WWOX: variants seen among roughly 807,000 people sequenced by gnomAD.
The protein encoded by WWOX is WW domain containing oxidoreductase.
A neutral mutation model predicts 46.2 loss-of-function variants in WWOX; 69 were observed. The observed-to-expected ratio is 1.49, with a 90% CI of 1.23 to 1.82. WWOX has a LOEUF of 1.82. Ranked by LOEUF, WWOX falls within the 40% of genes most tolerant of loss-of-function variation. The pLI, the probability that WWOX is intolerant of heterozygous loss-of-function variation, is 0.00. For synonymous variants in WWOX, 359 were observed against 202.6 expected (o/e 1.77, Z -6.56); for missense variants, 919 against 542.6 (o/e 1.69, Z -6.89).
chr16:78,549,447 C>T (rs1209588807), intron 8 of WWOX, among the ~76,000 whole-genome samples: 1 of 152,130 alleles, frequency 6.6e-6, no homozygotes, highest in Admixed American at 6.5e-5. Flanking sequence ...TTAATCTCTT[C>T]AGGGTTTCCC....
At chr16:78,763,483 G>T (rs745823299) in intron 8 of WWOX, among the ~76,000 whole-genome samples, 3 of 152,180 alleles carry the variant, frequency 2.0e-5, no homozygotes, top group South Asian at 2.1e-4. Context: ...TGGGATAGAG[G>T]CACTTTTTGG....
At chr16:78,544,286 A>G (rs1464932389) in intron 8 of WWOX, among the ~76,000 whole-genome samples, 1 of 152,290 alleles carries the variant, frequency 6.6e-6, no homozygotes, top group East Asian at 1.9e-4. Flanking sequence ...ACATTATATT[A>G]ATTATTAATA....
chr16:79,106,659 A>G (rs895458451), intron 8 of WWOX: 2 of 125,944 alleles, frequency 1.6e-5, no homozygotes, highest in Admixed American at 1.1e-4. Flanking sequence ...ATGCAGTGTC[A>G]GGATCATAGC....
intron 8 of WWOX, among the ~76,000 whole-genome samples, chr16:78,803,603 A>G (rs1471644231): frequency 3.9e-5 from 6 of 152,018 alleles, no homozygotes; most frequent in Non-Finnish European, 5.9e-5. Context: ...ATATACCACC[A>G]TACCTGGACA....
intron 8 of WWOX, among the ~76,000 whole-genome samples, chr16:78,979,942 C>G (rs961435641): frequency 1.1e-4 from 16 of 152,124 alleles, no homozygotes; most frequent in Non-Finnish European, 1.9e-4. Context: ...TCCTGGCTAA[C>G]ATGGTGAAAC....
chr16:78,549,647 T>C (rs976235640), intron 8 of WWOX, among the ~76,000 whole-genome samples: 2 of 152,188 alleles, frequency 1.3e-5, no homozygotes, highest in African/African-American at 4.8e-5. Context: ...GCAAGCGAGC[T>C]AATGGAAATC....
At chr16:78,559,453 AAG>A (rs1445746085) in intron 8 of WWOX, among the ~76,000 whole-genome samples, 2 of 150,588 alleles carry the variant, frequency 1.3e-5, no homozygotes, top group African/African-American at 5.0e-5. Context: ...GACTGGGAGA[AAG>A]AGATGTTCTC....
intron 8 of WWOX, among the ~76,000 whole-genome samples, chr16:78,767,921 C>T (rs960431764): frequency 6.6e-6 from 1 of 152,006 alleles, no homozygotes; most frequent in Non-Finnish European, 1.5e-5. Context: ...TTTCTTTTGG[C>T]TAATGATAAC....
chr16:79,054,042 A>C (rs538580663), intron 8 of WWOX, among the ~76,000 whole-genome samples: 1 of 152,142 alleles, frequency 6.6e-6, no homozygotes, highest in Non-Finnish European at 1.5e-5. Flanking sequence ...AAATTTTATT[A>C]CCTCATTATA....
intron 8 of WWOX, among the ~76,000 whole-genome samples, chr16:78,872,474 G>A (rs1315751622): frequency 6.6e-6 from 1 of 152,258 alleles, no homozygotes; most frequent in South Asian, 2.1e-4. Context: ...ATTACAGTGG[G>A]GGATAAAGGG....
At chr16:78,229,729 C>T (rs886989443) in intron 5 of WWOX, among the ~76,000 whole-genome samples, 1 of 151,988 alleles carries the variant, frequency 6.6e-6, no homozygotes, top group Non-Finnish European at 1.5e-5. Flanking sequence ...AACATGCAGA[C>T]CATGTGGAAT....
chr16:79,135,115 TTTC>T (rs544364421), intron 8 of WWOX, among the ~76,000 whole-genome samples: 1,783 of 152,324 alleles, frequency 0.012, 21 homozygotes, highest in South Asian at 0.028. Context: ...TAACAATTTT[TTTC>T]TTCTTCTCAG....
At chr16:78,808,096 G>C (rs547216172) in intron 8 of WWOX, among the ~76,000 whole-genome samples, 2 of 152,268 alleles carry the variant, frequency 1.3e-5, no homozygotes, top group East Asian at 3.9e-4. Flanking sequence ...GACTCTCCTA[G>C]GGCCTAGGCC....
At position 78,950,022 on chromosome 16, in the gene WWOX, T is replaced by A. The variant is rs192177394; in HGVS notation, c.1057-261586T>A. ...TGAGAGGACTGAGGCTTGTAGACTTTCCAAGGCTGTGCAGCTCTAGGTCTA... is the reference window on the plus strand; with the variant it reads ...TGAGAGGACTGAGGCTTGTAGACTTACCAAGGCTGTGCAGCTCTAGGTCTA... On this transcript the variant is annotated intron_variant, in intron 8 of 8. Coordinates refer to ENST00000566780, the MANE Select transcript of WWOX (RefSeq NM_016373.4). Among the ~76,000 whole-genome samples the A allele has an allele frequency of 2.6e-5, 4 of 152,290 alleles. No homozygotes were observed. The East Asian group carries it at 5.8e-4, about 22-fold the overall frequency.
At chr16:78,240,569 T>TA (rs1224829939) in intron 5 of WWOX, among the ~76,000 whole-genome samples, 1 of 152,264 alleles carries the variant, frequency 6.6e-6, no homozygotes, top group East Asian at 1.9e-4. Flanking sequence ...CTTGTGCTGA[T>TA]ACGCTAGGGC....
chr16:78,202,354 G>C (rs1268499337), intron 5 of WWOX, among the ~76,000 whole-genome samples: 3 of 152,210 alleles, frequency 2.0e-5, no homozygotes. Flanking sequence ...TCATCCTTCT[G>C]TTCCCTTCCT....
intron 8 of WWOX, among the ~76,000 whole-genome samples, chr16:79,176,795 A>G (rs957892674): frequency 6.6e-6 from 1 of 152,150 alleles, no homozygotes; most frequent in Non-Finnish European, 1.5e-5. Flanking sequence ...GAGCCTTGGC[A>G]TTTGTAAGGC....
rs148860587 is a variant in WWOX, at chr16:78,645,314, A to G, written c.1056+212562A>G. ...GACCATCTGTGTTTTTTTCCTATCA[A>G]TGCTTTAACAAATGACCACCCATGG... is the stretch of plus-strand genomic sequence containing the variant. On this transcript the variant is annotated intron_variant, in intron 8 of 8. Transcript: ENST00000566780. Among the ~76,000 whole-genome samples, 763 of 152,062 alleles carry G rather than the reference A, an allele frequency of 5.0e-3. 6 individuals carry two copies. The highest frequency in any genetic ancestry group is 0.018 in the African/African-American group (732 of 41,476).
intron 8 of WWOX, among the ~76,000 whole-genome samples, chr16:78,658,484 C>G (rs998437654): frequency 2.6e-5 from 4 of 152,166 alleles, no homozygotes; most frequent in African/African-American, 9.7e-5. Context: ...GATTTATTCT[C>G]TCACAGTTTT....
Sources: allele counts gnomAD v4.1 joint callset (sites outside exome capture counted in the v4.1 genomes callset), GRCh38; gene constraint gnomAD v4.1.1; transcripts MANE v1.5; gene names NCBI Gene and HGNC (gene_info 2026-07-23, HGNC 2026-07-21).